The following CATSPERE variants were observed in gnomAD, a reference collection of about 807,000 sequenced individuals.
The protein encoded by CATSPERE is catsper channel auxiliary subunit epsilon.
In CATSPERE, 93 loss-of-function variants were observed where a neutral mutation model predicts 114.1. The ratio of observed to expected loss-of-function variants is 0.81; its 90% CI spans 0.69 to 0.97. The LOEUF (loss-of-function observed/expected upper bound fraction) is 0.97. Ranked by LOEUF, CATSPERE falls within the 50% of genes least tolerant of loss-of-function variation. The pLI, the probability that CATSPERE is intolerant of heterozygous loss-of-function variation, is 0.00. For synonymous variants in CATSPERE, 341 were observed against 384.1 expected (o/e 0.89, Z 1.31); for missense variants, 1,058 against 1,131.6 (o/e 0.93, Z 0.93).
At chr1:244,566,818 T>TTTTAATTGGGG (rs1196820567) in intron 10 of CATSPERE, among the ~76,000 whole-genome samples, 1 of 152,000 alleles carries the variant, frequency 6.6e-6, no homozygotes, top group Non-Finnish European at 1.5e-5. Context: ...ATTCTGTGTC[T>TTTTAATTGGGG]TTTAATTGGG....
At chr1:244,637,480 T>G (rs1674776195) in intron 21 of CATSPERE, among the ~76,000 whole-genome samples, 1 of 152,190 alleles carries the variant, frequency 6.6e-6, no homozygotes, top group Non-Finnish European at 1.5e-5. Context: ...CTCTGCTTCC[T>G]AAAGCATCAA....
At chr1:244,458,664 C>T (rs1227494918), upstream of CATSPERE, among the ~76,000 whole-genome samples, 1 of 152,172 alleles carries the variant, frequency 6.6e-6, no homozygotes, top group Non-Finnish European at 1.5e-5. Flanking sequence ...AAAATATACT[C>T]CTGTGAACAA....
chr1:244,549,918 C>T (rs1264755889), intron 8 of CATSPERE, among the ~76,000 whole-genome samples: 2 of 152,038 alleles, frequency 1.3e-5, no homozygotes, highest in African/African-American at 2.4e-5. Context: ...TTGGGCATCA[C>T]GCAGTCCACT....
intron 8 of CATSPERE, among the ~76,000 whole-genome samples, chr1:244,527,316 C>G (rs1678800402): frequency 6.6e-6 from 1 of 152,208 alleles, no homozygotes; most frequent in African/African-American, 2.4e-5. Flanking sequence ...GACGCATTCT[C>G]TTTCTCAGGG....
Position 244,588,487 on chromosome 1 carries a change from C to G in CATSPERE, c.2091C>G (p.Phe697Leu). 2.5e-6 allele frequency: 4 copies of G among 1,610,780 alleles called. No homozygotes were observed. Among genetic ancestry groups the G allele is most frequent in the Non-Finnish European group, 2.5e-6 (3 of 1,177,192 alleles). Reference protein sequence around the residue: ...SKACPIAQKVFQIAVGCDDKK... With the variant: ...SKACPIAQKVLQIAVGCDDKK... ...CCTAAGTTACTTCATTTTAGGTGTT[C>G]CAAATAGCTGTTGGCTGTGATGATA... Residue 697 changes from phenylalanine (F) to leucine (L), a missense_variant, in exon 14 of 22, where the codon TTC (phenylalanine) becomes TTG (leucine). Around this residue, in one of 2 missense-constraint regions of CATSPERE, gnomAD observed 787 missense variants for 905.6 expected, o/e 0.87. Transcript: ENST00000366534.
At chr1:244,620,107 T>C (rs1252925429) in intron 20 of CATSPERE, among the ~76,000 whole-genome samples, 1 of 152,212 alleles carries the variant, frequency 6.6e-6, no homozygotes, top group Non-Finnish European at 1.5e-5. Flanking sequence ...AAGGATATTA[T>C]TGTATGTGGC....
intron 5 of CATSPERE, among the ~76,000 whole-genome samples, chr1:244,488,358 A>G (rs539630734): frequency 2.0e-4 from 31 of 152,246 alleles, no homozygotes; most frequent in African/African-American, 7.5e-4. Flanking sequence ...TTCTATTTCC[A>G]TAATGGTTTT....
At position 244,568,176 on chromosome 1, in the gene CATSPERE, C is replaced by T. The variant is rs1663885640; in HGVS notation, c.1508-4154C>T. Among the ~76,000 whole-genome samples, 2 of 152,196 alleles carry T rather than the reference C, an allele frequency of 1.3e-5. No individual in the cohort carries two copies. Among genetic ancestry groups the T allele is most frequent in the South Asian group, 4.1e-4 (2 of 4,832 alleles). On this transcript the variant is annotated intron_variant, in intron 10 of 21. Coordinates refer to ENST00000366534, the MANE Select transcript of CATSPERE (RefSeq NM_001130957.2). The surrounding 1 kb of genome is among the most constrained non-coding windows in gnomAD (Gnocchi z 4.4). ...GCCTGGGTATCACCAGCAGAGACTG[C>T]AGAACAGCAAAGATTGCTGCCTGTT... is the stretch of plus-strand genomic sequence containing the variant.
At chr1:244,458,078 T>C (rs1666321404), upstream of CATSPERE, among the ~76,000 whole-genome samples, 1 of 152,184 alleles carries the variant, frequency 6.6e-6, no homozygotes, top group Non-Finnish European at 1.5e-5. Context: ...GTTGTCTCAC[T>C]TTGGTCCTCT....
intron 11 of CATSPERE, among the ~76,000 whole-genome samples, chr1:244,578,841 T>TATATAC (rs1260605917): frequency 6.8e-6 from 1 of 146,632 alleles, no homozygotes; most frequent in Non-Finnish European, 1.5e-5. Context: ...TATATATATA[T>TATATAC]ATACACACAC....
intron 8 of CATSPERE, among the ~76,000 whole-genome samples, chr1:244,524,543 G>A (rs1049493267): frequency 2.7e-5 from 4 of 147,520 alleles, no homozygotes; most frequent in African/African-American, 5.3e-5. Flanking sequence ...CCATCAGAGC[G>A]AACAGGCCAC....
At chr1:244,555,337 A>G (rs1661416051) in intron 9 of CATSPERE, among the ~76,000 whole-genome samples, 1 of 150,508 alleles carries the variant, frequency 6.6e-6, no homozygotes, top group African/African-American at 2.4e-5. Flanking sequence ...GTGAGCCAAG[A>G]TTGTAACACT....
At chr1:244,498,177 T>A (rs999142875) in intron 6 of CATSPERE, among the ~76,000 whole-genome samples, 3 of 152,172 alleles carry the variant, frequency 2.0e-5, no homozygotes, top group African/African-American at 7.2e-5. Context: ...TAGAATAACA[T>A]CCAACTGAAA....
chr1:244,606,913 G>T (rs561301334), intron 18 of CATSPERE, among the ~76,000 whole-genome samples: 1 of 151,952 alleles, frequency 6.6e-6, no homozygotes, highest in East Asian at 1.9e-4. Context: ...TTGTCTTTCA[G>T]TTATGTAACC....
chr1:244,571,639 G>A (rs1408979866), intron 10 of CATSPERE, among the ~76,000 whole-genome samples: 1 of 152,080 alleles, frequency 6.6e-6, no homozygotes, highest in Non-Finnish European at 1.5e-5. Flanking sequence ...GCCTGCTAGG[G>A]TTGCCATAAC....
At chr1:244,522,172 T>C (rs1480271077) in intron 8 of CATSPERE, among the ~76,000 whole-genome samples, 2 of 152,110 alleles carry the variant, frequency 1.3e-5, no homozygotes, top group Admixed American at 6.5e-5. Flanking sequence ...GAACTCAGGA[T>C]TAAGAATCTC....
chr1:244,461,262 C>T (rs1308167842), upstream of CATSPERE: 2 of 498,336 alleles, frequency 4.0e-6, no homozygotes, highest in African/African-American at 2.0e-5. Flanking sequence ...GCGGCGCGCA[C>T]GCGCACGCGC....
chr1:244,478,969 A>G (rs903624825), intron 4 of CATSPERE, among the ~76,000 whole-genome samples: 1 of 133,954 alleles, frequency 7.5e-6, no homozygotes, highest in Non-Finnish European at 1.6e-5. Flanking sequence ...TGGAAGTTGC[A>G]GTGAGCCAAG....
chr1:244,627,970 G>A (rs900095159), intron 20 of CATSPERE, among the ~76,000 whole-genome samples: 5 of 152,200 alleles, frequency 3.3e-5, no homozygotes, highest in African/African-American at 1.2e-4. Context: ...AGTGCTATGT[G>A]CATAACCTGC....
Sources: allele counts gnomAD v4.1 joint callset (sites outside exome capture counted in the v4.1 genomes callset), GRCh38; gene constraint gnomAD v4.1.1; regional missense constraint gnomAD v4.1.1; non-coding constraint Gnocchi (gnomAD v3.1); transcripts MANE v1.5; gene names NCBI Gene and HGNC (gene_info 2026-07-23, HGNC 2026-07-21).